The following PTPRD variants were observed in gnomAD, a reference collection of about 807,000 sequenced individuals.
The protein encoded by PTPRD is receptor-type tyrosine-protein phosphatase delta.
In PTPRD, 34 loss-of-function variants were observed where a neutral mutation model predicts 214.5. The observed-to-expected ratio is 0.16, with a 90% CI of 0.12 to 0.21. The LOEUF (loss-of-function observed/expected upper bound fraction) is 0.21. PTPRD is among the 10% of genes least tolerant of loss of function. The pLI, the probability that PTPRD is intolerant of heterozygous loss-of-function variation, is 1.00. For synonymous variants in PTPRD, 1,128 were observed against 845.7 expected, an observed-to-expected ratio of 1.33 and a Z score of -5.79; for missense variants, 2,545 against 2,398.7, an observed-to-expected ratio of 1.06 and a Z score of -1.27.
intron 11 of PTPRD, among the ~76,000 whole-genome samples, chr9:8,956,539 G>A (rs1047206736): frequency 2.0e-5 from 3 of 151,594 alleles, no homozygotes; most frequent in African/African-American, 4.8e-5. Flanking sequence ...GAATACAGAC[G>A]TGACTAGTGG....
intron 11 of PTPRD, among the ~76,000 whole-genome samples, chr9:8,930,302 A>C (rs36193338): frequency 4.0e-5 from 6 of 151,462 alleles, no homozygotes; most frequent in African/African-American, 1.5e-4. Flanking sequence ...CATCCTTTTT[A>C]ATGGCTGCAT....
intron 5 of PTPRD, among the ~76,000 whole-genome samples, chr9:9,871,186 T>A (rs565660228): frequency 3.9e-5 from 6 of 152,258 alleles, no homozygotes; most frequent in African/African-American, 1.4e-4. Context: ...AGTCCTTACA[T>A]TAAGAAATTA....
intron 9 of PTPRD, among the ~76,000 whole-genome samples, chr9:9,311,977 T>G (rs1959154980): frequency 6.6e-6 from 1 of 152,228 alleles, no homozygotes; most frequent in Non-Finnish European, 1.5e-5. Context: ...ATGCTAAATG[T>G]AGCAATATAC....
At chr9:10,365,417 C>T (rs1213874280) in intron 2 of PTPRD, among the ~76,000 whole-genome samples, 2 of 152,152 alleles carry the variant, frequency 1.3e-5, no homozygotes, top group East Asian at 3.8e-4. Flanking sequence ...CCTTTAAAAT[C>T]TTCTTAGCAC....
intron 7 of PTPRD, among the ~76,000 whole-genome samples, chr9:9,695,945 A>T (rs2097365422): frequency 6.6e-6 from 1 of 151,158 alleles, no homozygotes; most frequent in Non-Finnish European, 1.5e-5. Context: ...CTCCTTTTCA[A>T]TTTTTTTTTA....
intron 8 of PTPRD, among the ~76,000 whole-genome samples, chr9:9,411,275 T>TTTTTTA (rs1198386021): frequency 2.0e-5 from 3 of 151,274 alleles, no homozygotes; most frequent in African/African-American, 4.9e-5. Flanking sequence ...TTTTTTTTTT[T>TTTTTTA]ACGATAATTA....
chr9:8,326,741 T>G (rs1341359262), intron 44 of PTPRD, among the ~76,000 whole-genome samples: 2 of 151,626 alleles, frequency 1.3e-5, no homozygotes, highest in Non-Finnish European at 1.5e-5. Flanking sequence ...CAGAACTTGT[T>G]ATTGGTCTAT....
At chr9:10,307,403 C>G (rs2096115207) in intron 3 of PTPRD, among the ~76,000 whole-genome samples, 1 of 152,000 alleles carries the variant, frequency 6.6e-6, no homozygotes, top group Non-Finnish European at 1.5e-5. Context: ...AATGACAGGA[C>G]TGTGTTCTTT....
chr9:9,859,298 A>T (rs1306836144), intron 5 of PTPRD, among the ~76,000 whole-genome samples: 1 of 152,194 alleles, frequency 6.6e-6, no homozygotes, highest in Admixed American at 6.5e-5. Context: ...TAGTAGTGTG[A>T]AAACAGACTA....
At chr9:9,508,760 C>T (rs1248059461) in intron 8 of PTPRD, among the ~76,000 whole-genome samples, 1 of 151,542 alleles carries the variant, frequency 6.6e-6, no homozygotes, top group Non-Finnish European at 1.5e-5. Context: ...GCAACTTTCC[C>T]TGCTCTTATC....
chr9:8,739,025 G>A (rs7048772), intron 11 of PTPRD, among the ~76,000 whole-genome samples: 11,110 of 152,246 alleles, frequency 0.073, 1,088 homozygotes, highest in African/African-American at 0.23. Context: ...CTGTAAATCA[G>A]CTGAATGTGG....
intron 11 of PTPRD, among the ~76,000 whole-genome samples, chr9:8,945,261 T>C (rs1164708300): frequency 6.6e-6 from 1 of 151,968 alleles, no homozygotes; most frequent in Non-Finnish European, 1.5e-5. Context: ...TACTTGTGAA[T>C]CTCCCACTTA....
intron 12 of PTPRD, among the ~76,000 whole-genome samples, chr9:8,682,592 CTATGGCAATTTGTT>C (rs1379283326): frequency 6.6e-6 from 1 of 152,048 alleles, no homozygotes; most frequent in Non-Finnish European, 1.5e-5. Context: ...TAATTTATGC[CTATGGCAATTTGTT>C]GTTAGCAGTT....
At chr9:8,938,593 T>C (rs1442868019) in intron 11 of PTPRD, among the ~76,000 whole-genome samples, 2 of 151,940 alleles carry the variant, frequency 1.3e-5, no homozygotes, top group Non-Finnish European at 2.9e-5. Flanking sequence ...TAATTGCAGG[T>C]CGGTAAAATG....
At chr9:10,566,007 T>C (rs1255400589) in intron 2 of PTPRD, among the ~76,000 whole-genome samples, 1 of 152,026 alleles carries the variant, frequency 6.6e-6, no homozygotes, top group Non-Finnish European at 1.5e-5. Context: ...TAAGGTTGTC[T>C]ATTTTTGAGT....
At chr9:10,481,490 A>G (rs1033949676) in intron 2 of PTPRD, among the ~76,000 whole-genome samples, 1 of 152,190 alleles carries the variant, frequency 6.6e-6, no homozygotes. Context: ...ATGTAACATG[A>G]ATCCTGAAGG....
intron 5 of PTPRD, among the ~76,000 whole-genome samples, chr9:9,928,884 T>C (rs1294069392): frequency 6.6e-6 from 1 of 152,124 alleles, no homozygotes; most frequent in Admixed American, 6.6e-5. Flanking sequence ...GTAATATCAA[T>C]TAGTTTTCAC....
At chr9:8,626,152 G>C (rs999264106) in intron 14 of PTPRD, among the ~76,000 whole-genome samples, 1 of 151,762 alleles carries the variant, frequency 6.6e-6, no homozygotes, top group East Asian at 1.9e-4. Context: ...AACTAATTTG[G>C]AAAACCAGGA....
chr9:10,252,375 G>C (rs2092859759), intron 3 of PTPRD, among the ~76,000 whole-genome samples: 1 of 151,988 alleles, frequency 6.6e-6, no homozygotes, highest in Non-Finnish European at 1.5e-5. Flanking sequence ...CACAAGTAGA[G>C]GTTATGTGTA....
Sources: allele counts gnomAD v4.1 joint callset (sites outside exome capture counted in the v4.1 genomes callset), GRCh38; gene constraint gnomAD v4.1.1; transcripts MANE v1.5; gene names NCBI Gene and HGNC (gene_info 2026-07-23, HGNC 2026-07-21).